Variants in PSMD1 observed in about 807,000 individuals in gnomAD.
The protein encoded by PSMD1 is proteasome 26S subunit, non-ATPase 1.
A neutral mutation model predicts 119.0 loss-of-function variants in PSMD1; 18 were observed. The observed-to-expected ratio is 0.15, with a 90% CI of 0.10 to 0.22. The LOEUF (loss-of-function observed/expected upper bound fraction) is 0.22, where lower values mean the gene tolerates loss of function less well. Ranked by LOEUF, PSMD1 falls within the 10% of genes least tolerant of loss-of-function variation. The pLI is 1.00. For synonymous variants in PSMD1, 374 were observed against 396.6 expected (o/e 0.94, Z 0.68); for missense variants, 702 against 1,158.5 (o/e 0.61, Z 5.72).
chr2:231,078,359 G>A (rs957719475), intron 9 of PSMD1, among the ~76,000 whole-genome samples: 1 of 152,208 alleles, frequency 6.6e-6, no homozygotes, highest in Non-Finnish European at 1.5e-5. Context: ...CCTTGGGCAA[G>A]ATGGAGAAGA....
At chr2:231,074,037 A>T (rs536161987) in intron 7 of PSMD1, among the ~76,000 whole-genome samples, 1 of 152,068 alleles carries the variant, frequency 6.6e-6, no homozygotes, top group African/African-American at 2.4e-5. Context: ...TAGAATTCCC[A>T]ATACTTACAG....
At chr2:231,136,224 C>T in intron 16 of PSMD1, among the ~76,000 whole-genome samples, 1 of 152,062 alleles carries the variant, frequency 6.6e-6, no homozygotes, top group East Asian at 1.9e-4. Flanking sequence ...GATTTCGGTT[C>T]ACTTTAGTAT....
chr2:231,084,890 A>G (rs2303356), intron 14 of PSMD1, 129 bp from the exon 15 acceptor site: 26,490 of 680,610 alleles, frequency 0.039, 750 homozygotes, highest in East Asian at 0.12. Flanking sequence ...ACCAACCACA[A>G]AAGAGTTATT....
chr2:231,166,941 G>A (rs1338814315), intron 23 of PSMD1, among the ~76,000 whole-genome samples: 2 of 152,046 alleles, frequency 1.3e-5, no homozygotes, highest in African/African-American at 4.8e-5. Flanking sequence ...GGCATAACTG[G>A]GTTTTTATTT....
chr2:231,138,965 A>C (rs1247003123), intron 17 of PSMD1, 115 bp downstream of exon 17: 4 of 812,140 alleles, frequency 4.9e-6, no homozygotes, highest in Non-Finnish European at 8.5e-6. Context: ...TGTAAGAGTA[A>C]ACTTGCCATA....
chr2:231,077,317 C>G (rs980560338), intron 9 of PSMD1, among the ~76,000 whole-genome samples, 155 bp downstream of exon 9: 4 of 151,854 alleles, frequency 2.6e-5, no homozygotes, highest in African/African-American at 9.7e-5. Context: ...ATCAATTATC[C>G]TCTTGGAGTT....
At chr2:231,114,488 G>A (rs1695264513) in intron 16 of PSMD1, among the ~76,000 whole-genome samples, 1 of 152,132 alleles carries the variant, frequency 6.6e-6, no homozygotes, top group Admixed American at 6.5e-5. Context: ...GACAGAAATA[G>A]TTCTCAAATA....
chr2:231,082,239 A>AT (rs373260684), intron 12 of PSMD1, among the ~76,000 whole-genome samples: 57 of 151,644 alleles, frequency 3.8e-4, no homozygotes, highest in African/African-American at 1.3e-3. Flanking sequence ...ATTTATGTTT[A>AT]TTTTTTTGTA....
intron 12 of PSMD1, among the ~76,000 whole-genome samples, 199 bp from the exon 13 acceptor site, chr2:231,082,684 G>A (rs978106593): frequency 6.6e-6 from 1 of 152,202 alleles, no homozygotes; most frequent in African/African-American, 2.4e-5. Flanking sequence ...CAGCCTGGGC[G>A]ACAAGAGCGA....
At chr2:231,172,137 TCCTAAGCTTTAC>T (rs761402526) in intron 24 of PSMD1, among the ~76,000 whole-genome samples, 10 of 152,236 alleles carry the variant, frequency 6.6e-5, no homozygotes, top group Non-Finnish European at 1.3e-4. Context: ...CTTGATAGTT[TCCTAAGCTTTAC>T]CCAACTTGCA....
At position 231,079,500 on chromosome 2, in the gene PSMD1, T is replaced by C. The variant is rs771079590; in HGVS notation, c.1161-36T>C. On this transcript the variant is annotated intron_variant, in intron 10 of 24. Transcript: ENST00000308696. ...AAAAGCTTTAAGGAATTCATTTGTT[T>C]TAACACTAATTAAAATACATCATCT... is the stretch of plus-strand genomic sequence containing the variant. The C allele has an allele frequency of 4.9e-6, 7 of 1,437,528 alleles. 1 individual carries two copies. The South Asian group carries it at 8.4e-5, about 17-fold the overall frequency. The allele number at this position is 1,437,528 out of a possible 1,614,324, so 89.0% of individuals were successfully genotyped here. A position where few individuals can be genotyped will look rare whatever the true frequency, so the allele number is the denominator to read the frequency against.
intron 16 of PSMD1, 24 bp from the exon 17 acceptor site, chr2:231,138,712 G>A (rs1421268987): frequency 6.5e-7 from 1 of 1,543,978 alleles, no homozygotes; most frequent in South Asian, 1.1e-5. Flanking sequence ...TATAACAGTG[G>A]CTTCGCTTTC....
chr2:231,140,531 G>A (rs981078850), intron 17 of PSMD1, among the ~76,000 whole-genome samples: 2 of 149,516 alleles, frequency 1.3e-5, no homozygotes, highest in African/African-American at 4.9e-5. Flanking sequence ...TTGGTATTGT[G>A]TACAAATAAG....
rs372819144 is a variant in PSMD1, at chr2:231,139,250, C to T, written c.1998+400C>T. 1.3e-3 allele frequency among the ~76,000 whole-genome samples: 196 copies of T among 151,762 alleles called. 1 individual carries two copies. Among genetic ancestry groups the T allele is most frequent in the African/African-American group, 4.3e-3 (179 of 41,434 alleles). On this transcript the variant is annotated intron_variant, in intron 17 of 24. Coordinates refer to ENST00000308696, the MANE Select transcript of PSMD1 (RefSeq NM_002807.4). ...AACTCCTGACCTCAGGTGATCCACC[C>T]GCCTTGGCCTCCCACAGTGCTGGGA...
At chr2:231,166,389 A>G (rs1221555526) in intron 23 of PSMD1, among the ~76,000 whole-genome samples, 1 of 152,194 alleles carries the variant, frequency 6.6e-6, no homozygotes, top group African/African-American at 2.4e-5. Flanking sequence ...AGTTTTCTTT[A>G]TTATAAAACA....
chr2:231,143,185 GTGGGTTTGGTTTGGT>G (rs1696168648), intron 17 of PSMD1, among the ~76,000 whole-genome samples: 3 of 133,316 alleles, frequency 2.3e-5, no homozygotes, highest in Non-Finnish European at 4.7e-5. Flanking sequence ...AAGGAACGTT[GTGGGTTTGGTTTGGT>G]TTGGTTTGGT....
chr2:231,075,727 G>A (rs1164939919), intron 8 of PSMD1, among the ~76,000 whole-genome samples, 156 bp downstream of exon 8: 1 of 152,110 alleles, frequency 6.6e-6, no homozygotes, highest in Non-Finnish European at 1.5e-5. Flanking sequence ...GGGATTGCAG[G>A]CATGTACCAC....
intron 16 of PSMD1, among the ~76,000 whole-genome samples, chr2:231,117,394 A>G (rs1695379943): frequency 1.3e-5 from 2 of 152,082 alleles, no homozygotes; most frequent in African/African-American, 4.8e-5. Flanking sequence ...GAAACAAGTT[A>G]CTAGGTTCTT....
At chr2:231,113,051 C>A (rs1410037846) in intron 16 of PSMD1, among the ~76,000 whole-genome samples, 4 of 152,060 alleles carry the variant, frequency 2.6e-5, no homozygotes, top group Non-Finnish European at 5.9e-5. Context: ...GTAGTCCCAG[C>A]TACCTGGGAG....
Sources: allele counts gnomAD v4.1 joint callset (sites outside exome capture counted in the v4.1 genomes callset), GRCh38; gene constraint gnomAD v4.1.1; transcripts MANE v1.5; gene names NCBI Gene and HGNC (gene_info 2026-07-23, HGNC 2026-07-21).